Variants in PTPRG observed in about 807,000 individuals in gnomAD.
PTPRG encodes receptor-type tyrosine-protein phosphatase gamma.
A neutral mutation model predicts 165.3 loss-of-function variants in PTPRG; 102 were observed. The observed-to-expected ratio is 0.62, with a 90% CI of 0.53 to 0.73. The LOEUF is 0.73. PTPRG is among the 30% of genes least tolerant of loss of function. The probability of loss-of-function intolerance (pLI) is 0.00; values close to 1 mark genes in which losing one functional copy is unlikely to be tolerated. For missense variants in PTPRG, 1,866 were observed against 1,861.4 expected, an observed-to-expected ratio of 1.00 and a Z score of -0.05; for synonymous variants, 675 against 669.5, an observed-to-expected ratio of 1.01 and a Z score of -0.13.
At chr3:62,043,460 T>G (rs941481872) in intron 4 of PTPRG, among the ~76,000 whole-genome samples, 1 of 152,224 alleles carries the variant, frequency 6.6e-6, no homozygotes, top group African/African-American at 2.4e-5. Context: ...GCAATTAGAA[T>G]TCTTTTTACC....
intron 28 of PTPRG, among the ~76,000 whole-genome samples, chr3:62,291,312 A>G (rs925120384): frequency 2.6e-5 from 4 of 152,178 alleles, no homozygotes; most frequent in African/African-American, 9.6e-5. Flanking sequence ...CTTTAAAACT[A>G]AAAACAGGCA....
rs71100976 is a variant in PTPRG, at chr3:61,767,240, C to CA, written c.190+18275dup. Among the ~76,000 whole-genome samples the CA allele has an allele frequency of 1.3e-3, 145 of 111,532 alleles. 6 individuals carry two copies. Among genetic ancestry groups the CA allele is most frequent in the South Asian group, 9.3e-3 (30 of 3,226 alleles). The allele number at this position is 111,532 out of a possible 152,430, so 73.2% of individuals were successfully genotyped here. On this transcript the variant is annotated intron_variant, in intron 2 of 29. Coordinates refer to ENST00000474889, the MANE Select transcript of PTPRG (RefSeq NM_002841.4). ...GCCTTGTGACAGCAAGATTCCATCT[C>CA]AAAAAAAAAAAAAAAAAGAAAGTAG...
At chr3:62,053,077 G>T (rs758454476) in intron 4 of PTPRG, among the ~76,000 whole-genome samples, 4 of 151,982 alleles carry the variant, frequency 2.6e-5, no homozygotes, top group Non-Finnish European at 4.4e-5. Context: ...CAAAAGGAAT[G>T]TGTTAGTGTG....
intron 4 of PTPRG, among the ~76,000 whole-genome samples, chr3:62,006,184 A>G (rs1037311451): frequency 2.0e-5 from 3 of 152,178 alleles, no homozygotes; most frequent in Admixed American, 6.5e-5. Flanking sequence ...AAGGCTGCCT[A>G]TATCAATTGG....
intron 4 of PTPRG, among the ~76,000 whole-genome samples, chr3:62,067,014 G>GC (rs941255552): frequency 6.4e-5 from 9 of 139,570 alleles, no homozygotes; most frequent in Non-Finnish European, 1.1e-4. Flanking sequence ...CTCCAGCTTG[G>GC]CGACAAAGTG....
intron 1 of PTPRG, among the ~76,000 whole-genome samples, chr3:61,591,297 A>T (rs1700563125): frequency 6.6e-6 from 1 of 152,190 alleles, no homozygotes; most frequent in Non-Finnish European, 1.5e-5. Flanking sequence ...TGGATACCCG[A>T]GGGCAAGATT....
chr3:61,720,551 A>C (rs1046940034), intron 1 of PTPRG, among the ~76,000 whole-genome samples: 2 of 152,102 alleles, frequency 1.3e-5, no homozygotes, highest in Non-Finnish European at 2.9e-5. Context: ...CAGATGAAAA[A>C]ACAGTATCAC....
intron 1 of PTPRG, among the ~76,000 whole-genome samples, chr3:61,590,850 G>C (rs1029448749): frequency 6.6e-6 from 1 of 152,090 alleles, no homozygotes; most frequent in Non-Finnish European, 1.5e-5. Context: ...CATATGCAGT[G>C]GCTCATGCCT....
rs1701263261 is a variant in PTPRG, at chr3:62,245,238, G to A, written c.2467+1340G>A. On this transcript the variant is annotated intron_variant, in intron 15 of 29. Transcript: ENST00000474889. The surrounding 1 kb of genome is among the most constrained non-coding windows in gnomAD (Gnocchi z 4.2). ...CTGCCCCTTTTTCCTTGCTGAAGGAGACTACTTTTCCTTTGAGAGTAGAGA... is the reference window on the plus strand; with the variant it reads ...CTGCCCCTTTTTCCTTGCTGAAGGAAACTACTTTTCCTTTGAGAGTAGAGA... Among the ~76,000 whole-genome samples the A allele has an allele frequency of 6.6e-6, 1 of 152,154 alleles. No individual in the cohort carries two copies. Among genetic ancestry groups the A allele is most frequent in the South Asian group, 2.1e-4 (1 of 4,826 alleles).
intron 3 of PTPRG, among the ~76,000 whole-genome samples, chr3:62,002,974 G>GCTTAA (rs1477580907): frequency 4.6e-5 from 7 of 152,156 alleles, no homozygotes; most frequent in African/African-American, 1.7e-4. Context: ...GTAGCCCCAT[G>GCTTAA]AATCAGTGCT....
In PTPRG at chr3:61,981,958, T is replaced by A. The variant is rs148257443; in HGVS notation, c.191-7667T>A. Among the ~76,000 whole-genome samples, 359 of 152,302 alleles carry A rather than the reference T, an allele frequency of 2.4e-3. 1 individual carries two copies. The highest frequency in any genetic ancestry group is 8.2e-3 in the African/African-American group (340 of 41,574). Reference sequence around the variant, plus strand: ...ACTAGTCATACAATTTGTGAGTTATTTGGAGCCAACATGCAAGGTAAATCT... The same window carrying A: ...ACTAGTCATACAATTTGTGAGTTATATGGAGCCAACATGCAAGGTAAATCT... On this transcript the variant is annotated intron_variant, in intron 2 of 29. Coordinates refer to ENST00000474889, the MANE Select transcript of PTPRG (RefSeq NM_002841.4).
chr3:62,237,450 C>G lies in PTPRG; in HGVS notation c.2375+6139C>G, dbSNP rs540354009. On this transcript the variant is annotated intron_variant, in intron 14 of 29. Transcript: ENST00000474889. This position sits in a 1 kb window ranked among gnomAD's most constrained non-coding sequence, Gnocchi z 4.5. The stretch of plus-strand genomic sequence containing the variant: ...GCCAATTAAACATACTGGAACCTGT[C>G]ATGTGCTGGCAGTGTATATTTTTCA... Among the ~76,000 whole-genome samples, 3 of 152,268 alleles carry G rather than the reference C, an allele frequency of 2.0e-5. No homozygotes were observed. The South Asian group carries it at 6.2e-4, about 32-fold the overall frequency.
intron 13 of PTPRG, among the ~76,000 whole-genome samples, chr3:62,220,180 A>G (rs1700618459): frequency 6.6e-6 from 1 of 152,248 alleles, no homozygotes; most frequent in Admixed American, 6.5e-5. Flanking sequence ...AAGGTGGCAG[A>G]AAAGGGTATC....
At chr3:61,643,883 T>C (rs150819276) in intron 1 of PTPRG, among the ~76,000 whole-genome samples, 1 of 152,236 alleles carries the variant, frequency 6.6e-6, no homozygotes. Flanking sequence ...TGGATTCTTA[T>C]AGATGAACTA....
At chr3:61,572,817 C>T (rs958497146) in intron 1 of PTPRG, among the ~76,000 whole-genome samples, 4 of 152,158 alleles carry the variant, frequency 2.6e-5, no homozygotes, top group Admixed American at 6.5e-5. Flanking sequence ...ACACCTGTCC[C>T]GTAGTGGTTA....
chr3:62,028,989 G>A (rs1039718350), intron 4 of PTPRG, among the ~76,000 whole-genome samples: 2 of 152,154 alleles, frequency 1.3e-5, no homozygotes, highest in East Asian at 3.9e-4. Context: ...GGGTCAGGTG[G>A]TCATTACTTG....
At chr3:62,058,241 C>G (rs1442059331) in intron 4 of PTPRG, among the ~76,000 whole-genome samples, 1 of 152,200 alleles carries the variant, frequency 6.6e-6, no homozygotes, top group Non-Finnish European at 1.5e-5. Context: ...TCATTCCTAA[C>G]CTCACCTTAA....
At chr3:62,142,213 A>G (rs1317091349) in intron 6 of PTPRG, among the ~76,000 whole-genome samples, 1 of 152,068 alleles carries the variant, frequency 6.6e-6, no homozygotes, top group Non-Finnish European at 1.5e-5. Context: ...TGCATTCCCA[A>G]AGATAAACTT....
chr3:62,171,550 C>G (rs1183528171), intron 8 of PTPRG, among the ~76,000 whole-genome samples: 2 of 152,158 alleles, frequency 1.3e-5, no homozygotes, highest in Non-Finnish European at 2.9e-5. Flanking sequence ...AAGTTCCTTC[C>G]TGCCCATTTG....
Sources: gnomAD v4.1 joint callset for allele counts (sites outside exome capture counted in the v4.1 genomes callset) on GRCh38, gnomAD v4.1.1 for gene constraint, Gnocchi (gnomAD v3.1) non-coding constraint, MANE v1.5 for transcripts, NCBI Gene and HGNC (gene_info 2026-07-23, HGNC 2026-07-21) for gene names.